Variants in SDCCAG8 observed in about 807,000 individuals in gnomAD.
SDCCAG8 encodes SHH signaling and ciliogenesis regulator SDCCAG8.
Under a neutral mutation model 101.8 loss-of-function variants are expected in SDCCAG8, and 74 were observed. The observed-to-expected ratio is 0.73, with a 90% CI of 0.60 to 0.88. The LOEUF is 0.88. SDCCAG8 is among the 40% of genes least tolerant of loss of function. The probability of loss-of-function intolerance (pLI) is 0.00; values close to 1 mark genes in which losing one functional copy is unlikely to be tolerated. For missense variants in SDCCAG8, 787 were observed against 822.6 expected (o/e 0.96, Z 0.53); for synonymous variants, 281 against 292.9 (o/e 0.96, Z 0.41).
intron 13 of SDCCAG8, among the ~76,000 whole-genome samples, chr1:243,406,239 T>C (rs1231772613): frequency 1.3e-5 from 2 of 152,284 alleles, no homozygotes; most frequent in Non-Finnish European, 2.9e-5. Context: ...TAATAGCATA[T>C]TTGGCCTTAT....
At chr1:243,297,945 C>T (rs763423430) in intron 6 of SDCCAG8, among the ~76,000 whole-genome samples, 2 of 151,910 alleles carry the variant, frequency 1.3e-5, no homozygotes, top group Non-Finnish European at 2.9e-5. Flanking sequence ...GTTTGTTTTC[C>T]TTAATTATGT....
At chr1:243,374,934 A>G (rs1381983581) in intron 12 of SDCCAG8, among the ~76,000 whole-genome samples, 2 of 152,124 alleles carry the variant, frequency 1.3e-5, no homozygotes, top group African/African-American at 4.8e-5. Flanking sequence ...TATTTGGGGG[A>G]AAATGTCAGT....
chr1:243,256,704 A>G (rs1396560903), intron 1 of SDCCAG8, among the ~76,000 whole-genome samples: 2 of 152,252 alleles, frequency 1.3e-5, no homozygotes, highest in African/African-American at 4.8e-5. Context: ...GGCTATTTAC[A>G]TACAGTAAAT....
At chr1:243,476,856 G>A (rs1662510983) in intron 16 of SDCCAG8, among the ~76,000 whole-genome samples, 1 of 152,196 alleles carries the variant, frequency 6.6e-6, no homozygotes, top group African/African-American at 2.4e-5. Context: ...GTTAGATGAA[G>A]CTATTAGATC....
At chr1:243,314,714 G>T (rs962566475) in intron 8 of SDCCAG8, among the ~76,000 whole-genome samples, 4 of 152,196 alleles carry the variant, frequency 2.6e-5, no homozygotes, top group East Asian at 3.9e-4. Context: ...GAGCTTTTTT[G>T]ATCATTCTTT....
chr1:243,397,490 G>A (rs185583623), intron 13 of SDCCAG8, among the ~76,000 whole-genome samples: 118 of 152,262 alleles, frequency 7.7e-4, no homozygotes, highest in African/African-American at 2.7e-3. Flanking sequence ...GAAGGTTAAC[G>A]TTCCATTCAA....
At chr1:243,296,738 G>A (rs998960214) in intron 6 of SDCCAG8, among the ~76,000 whole-genome samples, 1 of 150,930 alleles carries the variant, frequency 6.6e-6, no homozygotes, top group Non-Finnish European at 1.5e-5. Flanking sequence ...GTAGAGACGG[G>A]GTTTCACCGT....
chr1:243,347,563 A>G (rs577179770), intron 12 of SDCCAG8, among the ~76,000 whole-genome samples: 1 of 152,336 alleles, frequency 6.6e-6, no homozygotes, highest in East Asian at 1.9e-4. Flanking sequence ...TATTTTTATA[A>G]AATGCCTCAT....
intron 12 of SDCCAG8, among the ~76,000 whole-genome samples, chr1:243,345,913 A>G (rs996315988): frequency 6.6e-5 from 10 of 152,240 alleles, no homozygotes; most frequent in Non-Finnish European, 1.5e-4. Context: ...ATAGTGAAAC[A>G]ATAGTAGTTT....
At chr1:243,351,812 C>T (rs181985511) in intron 12 of SDCCAG8, among the ~76,000 whole-genome samples, 1 of 152,272 alleles carries the variant, frequency 6.6e-6, no homozygotes, top group East Asian at 1.9e-4. Context: ...TTCTAAAATG[C>T]TGTGCCAAAT....
At chr1:243,456,593 A>G (rs1173274366) in intron 16 of SDCCAG8, among the ~76,000 whole-genome samples, 1 of 152,108 alleles carries the variant, frequency 6.6e-6, no homozygotes, top group East Asian at 1.9e-4. Flanking sequence ...AGAAAGCTAG[A>G]TTTTTTGCTT....
intron 12 of SDCCAG8, among the ~76,000 whole-genome samples, chr1:243,357,052 A>T (rs2076424319): frequency 6.6e-6 from 1 of 152,004 alleles, no homozygotes; most frequent in Non-Finnish European, 1.5e-5. Context: ...TTTTCAGAAG[A>T]TGCTTCTTAC....
rs548965898 is a variant in SDCCAG8 at position 243,348,677 on chromosome 1, A to G, written c.1473+4346A>G. On this transcript the variant is annotated intron_variant, in intron 12 of 17. Transcript: ENST00000366541. The stretch of plus-strand genomic sequence containing the variant: ...TCCATTGTTCCATCAGAGTACACCT[A>G]CAAAACACAATTCTAGCCGGGCGTG... 1.2e-4 allele frequency among the ~76,000 whole-genome samples: 19 copies of G among 152,156 alleles called. No individual in the cohort carries two copies. In the South Asian group the frequency reaches 3.1e-3, roughly 25 times the overall value.
intron 5 of SDCCAG8, among the ~76,000 whole-genome samples, chr1:243,289,099 A>G (rs1428141678): frequency 2.0e-5 from 3 of 151,970 alleles, no homozygotes; most frequent in Non-Finnish European, 4.4e-5. Context: ...ATATATATGA[A>G]GGGGGTTTAT....
intron 14 of SDCCAG8, 70 bp downstream of exon 14, chr1:243,415,899 G>A: frequency 6.3e-7 from 1 of 1,578,852 alleles, no homozygotes; most frequent in South Asian, 1.1e-5. Context: ...ACTGTGAAAT[G>A]ACATCAGGAA....
chr1:243,330,669 G>C lies in SDCCAG8; in HGVS notation c.1198G>C (p.Glu400Gln). 1 of 1,614,128 alleles carries C rather than the reference G, an allele frequency of 6.2e-7. No individual in the cohort carries two copies. The highest frequency in any genetic ancestry group is 1.1e-5 in the South Asian group (1 of 91,078). ...KDMMKKEITKEREYMGSKMLI... is the reference protein window; with the variant it reads ...KDMMKKEITKQREYMGSKMLI... ...CATGATGAAAAAGGAAATAACGAAA[G>C]AAAGGGAGTACATGGGATCAAAGGT... The change falls in exon 10 of 18, where the codon GAA becomes CAA. Residue 400 changes from glutamate (E) to glutamine (Q), a missense_variant. Physicochemically the swap from Glu to Gln is conservative, Grantham distance 29. Coordinates refer to ENST00000366541, the MANE Select transcript of SDCCAG8 (RefSeq NM_006642.5).
chr1:243,256,936 A>T (rs1419680728), intron 1 of SDCCAG8, among the ~76,000 whole-genome samples: 1 of 152,232 alleles, frequency 6.6e-6, no homozygotes, highest in African/African-American at 2.4e-5. Context: ...CCATATGAGC[A>T]AGTATCTGTA....
At chr1:243,302,250 A>G (rs1416284002) in intron 6 of SDCCAG8, among the ~76,000 whole-genome samples, 1 of 152,162 alleles carries the variant, frequency 6.6e-6, no homozygotes. Flanking sequence ...TCTGTCTCAA[A>G]ACAAAACAAA....
chr1:243,408,543 G>A (rs1328971007), intron 13 of SDCCAG8, among the ~76,000 whole-genome samples: 2 of 152,104 alleles, frequency 1.3e-5, no homozygotes, highest in African/African-American at 4.8e-5. Flanking sequence ...GGATAATATG[G>A]CTATTAAATG....
Sources: gnomAD v4.1 joint callset for allele counts (sites outside exome capture counted in the v4.1 genomes callset) on GRCh38, gnomAD v4.1.1 for gene constraint, MANE v1.5 for transcripts, NCBI Gene and HGNC (gene_info 2026-07-23, HGNC 2026-07-21) for gene names.